Variants in ATG9B observed in about 807,000 individuals in gnomAD.
ATG9B encodes the protein autophagy-related protein 9B.
ATG9B carries 92 observed loss-of-function variants against 92.9 expected under a neutral mutation model. The ratio of observed to expected loss-of-function variants is 0.99; its 90% confidence interval spans 0.84 to 1.18. The LOEUF (loss-of-function observed/expected upper bound fraction) is 1.18. ATG9B is among the 50% of genes most tolerant of loss of function. The pLI, the probability that ATG9B is intolerant of heterozygous loss-of-function variation, is 0.00. For synonymous variants in ATG9B, 599 were observed against 551.4 expected (o/e 1.09, Z -1.21); for missense variants, 1,344 against 1,235.0 (o/e 1.09, Z -1.32).
rs781219456 is a variant in ATG9B at position 151,023,939 on chromosome 7, G to A, written c.485C>T (p.Ser162Phe). ...ERLEDCDPEG[S>F]QDSPIHGEEQ... is the part of the protein sequence containing the mutation. ...CTCCCCGTGGATGGGTGAGTCTTGG[G>A]ACCCCTCAGGGTCACAGTCCTCCAG... The change falls in exon 1 of 14, where the codon TCC becomes TTC. Residue 162 changes from serine (S) to phenylalanine (F), a missense_variant. Coordinates refer to ENST00000639579, the MANE Select transcript of ATG9B (RefSeq NM_001317056.2). 6 of 1,591,686 alleles carry A rather than the reference G, an allele frequency of 3.8e-6. No individual in the cohort carries two copies. In the South Asian group the frequency reaches 6.8e-5, roughly 18 times the overall value.
downstream of ATG9B, chr7:151,014,128 T>C (rs1795385140): frequency 1.9e-6 from 3 of 1,612,214 alleles, no homozygotes; most frequent in Non-Finnish European, 2.5e-6. Context: ...CGCAGTGCCC[T>C]GGGCGTTCGA....
chr7:151,021,963 T>TA (rs1795771406), intron 4 of ATG9B, among the ~76,000 whole-genome samples: 1 of 149,680 alleles, frequency 6.7e-6, no homozygotes, highest in African/African-American at 2.5e-5. Context: ...TCTTACATTT[T>TA]AAAGTTGTTC....
In ATG9B at chr7:151,017,522, G is replaced by A. The variant is rs562988597; in HGVS notation, c.2053-250C>T. Among the ~76,000 whole-genome samples the A allele has an allele frequency of 1.7e-4, 26 of 152,242 alleles. 1 individual carries two copies. In the South Asian group the frequency reaches 5.2e-3, roughly 30 times the overall value. On this transcript the variant is annotated intron_variant, in intron 8 of 13. Transcript: ENST00000639579. ...TGCCCAGGGTGATCCTGACAGCCTT[G>A]GTCCAGGCACCAGTCCTTACTCAGC...
Position 151,019,269 on chromosome 7 carries a change from T to C in ATG9B, c.1069A>G (p.Ile357Val). The C allele has an allele frequency of 6.3e-7, 1 of 1,582,218 alleles. No homozygotes were observed. Among genetic ancestry groups the C allele is most frequent in the Non-Finnish European group, 8.5e-7 (1 of 1,171,504 alleles). Residue 357 changes from isoleucine to valine, a missense_variant, in exon 6 of 14, where the codon ATC (isoleucine) becomes GTC (valine). Ile to Val is a conservative substitution (Grantham distance 29). Coordinates refer to ENST00000639579, the MANE Select transcript of ATG9B (RefSeq NM_001317056.2). The stretch of plus-strand genomic sequence containing the variant: ...GTGTAGCGCAGGATGCGGTGGTGGA[T>C]GTCCAGCTCCGTCAGGGGCCGCGGC... ...VQPRPLTELD[I>V]HHRILRYTNY... is the part of the protein sequence containing the mutation.
intron 3 of ATG9B, 79 bp downstream of exon 3, chr7:151,023,366 C>T: frequency 1.9e-6 from 3 of 1,600,480 alleles, no homozygotes; most frequent in East Asian, 2.2e-5. Flanking sequence ...AAGCAGCTGG[C>T]ACAATTAAGG....
intron 5 of ATG9B, among the ~76,000 whole-genome samples, chr7:151,020,563 G>A (rs1037812515): frequency 1.3e-5 from 2 of 152,218 alleles, no homozygotes; most frequent in Non-Finnish European, 2.9e-5. Flanking sequence ...GGGGAGCAAG[G>A]GAAGCAAGCT....
rs1795453086 is a variant in ATG9B, at chr7:151,015,784, C to T, written c.*15-71G>A. On this transcript the variant is annotated intron_variant, in intron 13 of 13. Transcript: ENST00000639579. ...TCCAGAGATGACCACCTCCCATCAC[C>T]CCAAATTCCCACCACTGCTCCCATC... 3.5e-6 allele frequency: 5 copies of T among 1,427,438 alleles called. No homozygotes were observed. In the East Asian group the frequency reaches 1.3e-4, roughly 36 times the overall value. The allele number at this position is 1,427,438 out of a possible 1,614,324, so 88.4% of individuals were successfully genotyped here.
downstream of ATG9B, chr7:151,013,782 G>C: frequency 6.2e-7 from 1 of 1,611,550 alleles, no homozygotes; most frequent in Non-Finnish European, 8.5e-7. Context: ...CGCGTGCTGT[G>C]CCTCGAGCGG....
Position 151,016,675 on chromosome 7 carries a change from C to A in ATG9B, c.2423+13G>T. The A allele has an allele frequency of 6.4e-7, 1 of 1,568,678 alleles. No individual in the cohort carries two copies. The highest frequency in any genetic ancestry group is 1.2e-5 in the South Asian group (1 of 86,380). Reference sequence around the variant, plus strand: ...CCTCCACATGCCCCTGCATCTCAGCCTCCACTCCTCACCTGGGGTCCTGGG... The same window carrying A: ...CCTCCACATGCCCCTGCATCTCAGCATCCACTCCTCACCTGGGGTCCTGGG... On this transcript the variant is annotated intron_variant, in intron 10 of 13. Transcript: ENST00000639579.
At position 151,016,794 on chromosome 7, in the gene ATG9B, C is replaced by G. The variant is rs754475552; in HGVS notation, c.2317G>C (p.Val773Leu). 6.2e-7 allele frequency: 1 copy of G among 1,610,944 alleles called. No homozygotes were observed. Among genetic ancestry groups the G allele is most frequent in the Non-Finnish European group, 8.5e-7 (1 of 1,178,916 alleles). Reference sequence around the variant, plus strand: ...TCTCTCGGAGGCAGGAGAGGGTGCACGAAGAGGTTGGCCAGGAAGGCCTCA... The same window carrying G: ...TCTCTCGGAGGCAGGAGAGGGTGCAGGAAGAGGTTGGCCAGGAAGGCCTCA... ...LPEAFLANLF[V>L]HPLLPPRDLS... is the part of the protein sequence containing the mutation. Residue 773 changes from valine (V) to leucine (L), a missense_variant, in exon 10 of 14, where the codon GTG (valine) becomes CTG (leucine). Physicochemically the swap from Val to Leu is conservative, Grantham distance 32 (BLOSUM62 1). Transcript: ENST00000639579.
downstream of ATG9B, chr7:151,012,647 G>A: frequency 1.5e-6 from 1 of 682,330 alleles, no homozygotes; most frequent in Admixed American, 3.0e-5. Flanking sequence ...GCTGGGCCCT[G>A]AGCTTCTGGC....
At chr7:151,017,729 A>G (rs1176263638) in intron 8 of ATG9B, 142 bp downstream of exon 8, 1 of 1,048,934 alleles carries the variant, frequency 9.5e-7, no homozygotes, top group Non-Finnish European at 1.3e-6. Context: ...AGACGAGGGC[A>G]CGAGAGCACA....
Position 151,024,091 on chromosome 7 carries a change from A to G in ATG9B, c.333T>C (p.Ser111=), listed in dbSNP as rs762803194. 1 of 1,605,332 alleles carries G rather than the reference A, an allele frequency of 6.2e-7. No homozygotes were observed. Among genetic ancestry groups the G allele is most frequent in the Non-Finnish European group, 8.5e-7 (1 of 1,176,254 alleles). The change falls in exon 1 of 14, where the codon TCT becomes TCC. Residue 111 remains serine (S), a synonymous_variant. Transcript: ENST00000639579. ...AQPAMTPASA[S]PSWGSHSTPP... ...GGGTGGAGTGGGATCCCCAGGAGGG[A>G]GATGCAGAGGCAGGTGTCATTGCAG...
Position 151,021,188 on chromosome 7 carries a change from C to CG in ATG9B, c.962dup (p.Glu322GlyfsTer143). On this transcript the variant is annotated frameshift_variant and splice_region_variant, in exon 5 of 14. Coordinates refer to ENST00000639579, the MANE Select transcript of ATG9B (RefSeq NM_001317056.2). LOFTEE classifies it high-confidence loss of function. ...GCACAGACACAGCCACCCAGCTCAC[C>CG]GGGGGGATGTGCAGGGCCTCCCTGT... The CG allele has an allele frequency of 1.2e-6, 2 of 1,613,194 alleles. No individual in the cohort carries two copies. Among genetic ancestry groups the CG allele is most frequent in the Non-Finnish European group, 8.5e-7 (1 of 1,179,818 alleles).
At position 151,020,406 on chromosome 7, in the gene ATG9B, G is replaced by A. The variant is rs142266048; in HGVS notation, c.963+782C>T. Reference sequence around the variant, plus strand: ...AGGAGGAGAACGAGACGGGTGAGCAGTCTCCCGCCAGAGCCAATCCGAGGT... The same window carrying A: ...AGGAGGAGAACGAGACGGGTGAGCAATCTCCCGCCAGAGCCAATCCGAGGT... On this transcript the variant is annotated intron_variant, in intron 5 of 13. Transcript: ENST00000639579. 1.6e-3 allele frequency: 250 copies of A among 152,938 alleles called. 1 individual carries two copies. Among genetic ancestry groups the A allele is most frequent in the Non-Finnish European group, 2.7e-3 (187 of 68,230 alleles). The allele number at this position is 152,938 out of a possible 1,614,324, so 9.5% of individuals were successfully genotyped here.
chr7:151,017,075 G>A lies in ATG9B; in HGVS notation c.2250C>T (p.Pro750=), dbSNP rs139237488. Residue 750 remains proline, a synonymous_variant, in exon 9 of 14, where the codon CCC becomes CCT. Coordinates refer to ENST00000639579, the MANE Select transcript of ATG9B (RefSeq NM_001317056.2). The part of the protein sequence containing the change: ...AAWGATSARG[P]STPGVLSNCT... ...AGTTGCTGAGCACCCCCGGGGTGGA[G>A]GGGCCGCGAGCCGAGGTGGCACCCC... The A allele has an allele frequency of 1.2e-6, 2 of 1,606,842 alleles. No homozygotes were observed. Among genetic ancestry groups the A allele is most frequent in the Non-Finnish European group, 8.5e-7 (1 of 1,177,356 alleles).
chr7:151,013,952 G>T, downstream of ATG9B: 4 of 1,604,286 alleles, frequency 2.5e-6, no homozygotes, highest in Non-Finnish European at 3.4e-6. Flanking sequence ...GAGCGTGCGG[G>T]GTTCCTGCTA....
downstream of ATG9B, chr7:151,013,092 T>TA: frequency 1.1e-6 from 1 of 909,718 alleles, no homozygotes; most frequent in South Asian, 1.6e-5. Flanking sequence ...TACACTCTCT[T>TA]AGAGATGAAA....
chr7:151,013,224 C>T, downstream of ATG9B: 1 of 1,610,296 alleles, frequency 6.2e-7, no homozygotes, highest in Non-Finnish European at 8.5e-7. Flanking sequence ...CGCGGGGTTG[C>T]TTGCAGGGCT....
Sources: allele counts gnomAD v4.1 joint callset (sites outside exome capture counted in the v4.1 genomes callset), GRCh38; gene constraint gnomAD v4.1.1; transcripts MANE v1.5; gene names NCBI Gene and HGNC (gene_info 2026-07-23, HGNC 2026-07-21).